Variants in SLC25A39 observed in about 807,000 individuals in gnomAD.
SLC25A39 encodes solute carrier family 25 member 39.
A neutral mutation model predicts 46.6 loss-of-function variants in SLC25A39; 44 were observed. The ratio of observed to expected loss-of-function variants is 0.94; its 90% confidence interval spans 0.74 to 1.21. SLC25A39 has a LOEUF of 1.21. SLC25A39 is among the 50% of genes most tolerant of loss of function. SLC25A39 has a pLI of 0.00. For synonymous variants in SLC25A39, 218 were observed against 190.6 expected (o/e 1.14, Z -1.19); for missense variants, 487 against 473.0 (o/e 1.03, Z -0.28).
intron 2 of SLC25A39, 36 bp downstream of exon 2, chr17:44,323,442 C>CCG: frequency 2.6e-6 from 2 of 765,646 alleles, no homozygotes; most frequent in Non-Finnish European, 4.1e-6. Flanking sequence ...CTGCCCCATC[C>CCG]CCACCCGCCC....
chr17:44,320,345 G>A lies in SLC25A39; in HGVS notation c.883+10C>T. On this transcript the variant is annotated intron_variant, in intron 10 of 11. Coordinates refer to ENST00000377095, the MANE Select transcript of SLC25A39 (RefSeq NM_001143780.3). ...CACCTGTCCCCTGCCACGGCAATCTGGGCCCTCACCTCTCACAGCCTCCAT... is the reference window on the plus strand; with the variant it reads ...CACCTGTCCCCTGCCACGGCAATCTAGGCCCTCACCTCTCACAGCCTCCAT... 6.2e-7 allele frequency: 1 copy of A among 1,613,536 alleles called. No homozygotes were observed. The highest frequency in any genetic ancestry group is 8.5e-7 in the Non-Finnish European group (1 of 1,180,016).
chr17:44,320,966 G>A, intron 8 of SLC25A39, 92 bp downstream of exon 8: 3 of 1,400,756 alleles, frequency 2.1e-6, no homozygotes, highest in Non-Finnish European at 2.9e-6. Context: ...GTAACTTCAT[G>A]GTCACTAGTC....
chr17:44,320,143 G>A (rs767356424), intron 11 of SLC25A39, 27 bp from the exon 12 acceptor site: 2 of 1,613,818 alleles, frequency 1.2e-6, no homozygotes, highest in East Asian at 2.2e-5. Context: ...GCCCGTGTCA[G>A]GGGTCAGGTC....
rs79622469 is a variant in SLC25A39 at position 44,321,288 on chromosome 17, C to T, written c.518-57G>A. ...AAGTGAGATCACAGGTCTTACATGG[C>T]ATCACCTACCTGCTGTCCCAGGTCT... On this transcript the variant is annotated intron_variant, in intron 7 of 11. Coordinates refer to ENST00000377095, the MANE Select transcript of SLC25A39 (RefSeq NM_001143780.3). 3.9e-3 allele frequency: 6,192 copies of T among 1,579,876 alleles called. 195 individuals carry two copies. In the African/African-American group the frequency reaches 0.07, roughly 18 times the overall value.
In SLC25A39 at chr17:44,321,660, G is replaced by T. The variant is rs201634942; in HGVS notation, c.392+40C>A. On this transcript the variant is annotated intron_variant, in intron 6 of 11. Transcript: ENST00000377095. ...CATTCAACAGGGAGCAAAGGGTCAGGAAGTACCAGAGGAGAGTGGTGCAGG... is the reference window on the plus strand; with the variant it reads ...CATTCAACAGGGAGCAAAGGGTCAGTAAGTACCAGAGGAGAGTGGTGCAGG... The T allele has an allele frequency of 3.1e-6, 5 of 1,607,952 alleles. No homozygotes were observed. The East Asian group carries it at 1.1e-4, about 36-fold the overall frequency.
intron 1 of SLC25A39, 34 bp from the exon 2 acceptor site, chr17:44,323,611 A>C: frequency 6.9e-7 from 1 of 1,454,662 alleles, no homozygotes; most frequent in African/African-American, 1.4e-5. Context: ...CCACAACTCC[A>C]GGGATGGCAG....
At chr17:44,322,784 C>T (rs746892088) in intron 4 of SLC25A39, 24 bp downstream of exon 4, 4 of 1,613,952 alleles carry the variant, frequency 2.5e-6, no homozygotes, top group Non-Finnish European at 3.4e-6. Context: ...CCCTCCCATG[C>T]TCCCTGTGGC....
At position 44,321,714 on chromosome 17, in the gene SLC25A39, G is replaced by A. The variant is rs1276852149; in HGVS notation, c.378C>T (p.Gly126=). Residue 126 remains glycine (G), a synonymous_variant, in exon 6 of 12, where the codon GGC becomes GGT. Transcript: ENST00000377095. Reference sequence around the variant, plus strand: ...CGGCTACTCACAGGGTGGCGGGGAGGCCGCTCCAGAGGGTCCTGGTGCCCT... The same window carrying A: ...CGGCTACTCACAGGGTGGCGGGGAGACCGCTCCAGAGGGTCCTGGTGCCCT... ...RHEGTRTLWS[G]LPATLVMTVP... 4 of 1,612,090 alleles carry A rather than the reference G, an allele frequency of 2.5e-6. No homozygotes were observed. The highest frequency in any genetic ancestry group is 3.4e-6 in the Non-Finnish European group (4 of 1,178,866).
chr17:44,319,984 T>C lies in SLC25A39; in HGVS notation c.*17A>G, dbSNP rs767063755. ...CCCATCCGTGGGAGAGACGGGGTCC[T>C]TGCCTCCTTGCCCCTTTCAGCCGCC... On this transcript the variant is annotated 3_prime_UTR_variant, in exon 12 of 12. Transcript: ENST00000377095. 2 of 1,612,874 alleles carry C rather than the reference T, an allele frequency of 1.2e-6. No homozygotes were observed. The highest frequency in any genetic ancestry group is 2.2e-5 in the South Asian group (2 of 91,034).
chr17:44,323,245 C>G lies in SLC25A39; in HGVS notation c.145+39G>C, dbSNP rs910445449. 1.4e-5 allele frequency: 22 copies of G among 1,611,956 alleles called. No individual in the cohort carries two copies. The East Asian group carries it at 4.9e-4, about 36-fold the overall frequency. The stretch of plus-strand genomic sequence containing the variant: ...GCCTCTGGGAGATCTTTCTTTTGCC[C>G]AGGCACCACCCCTCACTAGTTCCAG... On this transcript the variant is annotated intron_variant, in intron 3 of 11. Coordinates refer to ENST00000377095, the MANE Select transcript of SLC25A39 (RefSeq NM_001143780.3).
intron 5 of SLC25A39, 51 bp downstream of exon 5, chr17:44,322,368 C>A: frequency 1.2e-6 from 2 of 1,608,310 alleles, no homozygotes; most frequent in African/African-American, 1.3e-5. Flanking sequence ...CCAGCCAGAC[C>A]GAACTCCTCA....
Position 44,323,919 on chromosome 17 carries a change from C to G in SLC25A39, c.-15-342G>C, listed in dbSNP as rs370761808. 11 of 283,822 alleles carry G rather than the reference C, an allele frequency of 3.9e-5. No individual in the cohort carries two copies. In the East Asian group the frequency reaches 1.1e-3, roughly 27 times the overall value. 17.6% of individuals were successfully genotyped at this position (283,822 alleles called of 1,614,324 possible). On this transcript the variant is annotated intron_variant, in intron 1 of 11. Coordinates refer to ENST00000377095, the MANE Select transcript of SLC25A39 (RefSeq NM_001143780.3). ...CCTCCCAAAGCACTGGGATTACAGG[C>G]GTGAGCCACCGCACCCGGCCCACTG...
chr17:44,322,267 A>G (rs1336843440), intron 5 of SLC25A39, 152 bp downstream of exon 5: 3 of 757,770 alleles, frequency 4.0e-6, no homozygotes, highest in Non-Finnish European at 6.5e-6. Context: ...CAAACACCCC[A>G]TGGAGGTACT....
chr17:44,322,276 C>T (rs2143150358), intron 5 of SLC25A39, 143 bp downstream of exon 5: 3 of 820,532 alleles, frequency 3.7e-6, no homozygotes, highest in Admixed American at 2.4e-5. Flanking sequence ...CATGGAGGTA[C>T]TGCCTTCTCC....
intron 9 of SLC25A39, 24 bp from the exon 10 acceptor site, chr17:44,320,460 G>A: frequency 6.2e-7 from 1 of 1,612,496 alleles, no homozygotes; most frequent in Non-Finnish European, 8.5e-7. Flanking sequence ...CGGGGAGAGG[G>A]CTCAGCTCCA....
At position 44,323,484 on chromosome 17, in the gene SLC25A39, G is replaced by C; in HGVS notation, c.79C>G (p.Leu27Val). Residue 27 changes from leucine (L) to valine (V), a missense_variant, in exon 2 of 12, where the codon CTC becomes GTC. By Grantham distance (32) the Leu-to-Val change is conservative. Transcript: ENST00000377095. ...ASGTGAVVTS[L>V]FMTPLDVVKV... ...CACCTCCCCTAGGTCTTACTGAAGA[G>C]AGAGGTAACCACAGCCCCGGTGCCT... is the stretch of plus-strand genomic sequence containing the variant. The C allele has an allele frequency of 2.0e-6, 3 of 1,464,644 alleles. No individual in the cohort carries two copies. Among genetic ancestry groups the C allele is most frequent in the Non-Finnish European group, 2.7e-6 (3 of 1,094,744 alleles). 90.7% of individuals were successfully genotyped at this position (1,464,644 alleles called of 1,614,324 possible).
chr17:44,321,241 G>C lies in SLC25A39; in HGVS notation c.518-10C>G. 6.3e-7 allele frequency: 1 copy of C among 1,598,500 alleles called. No homozygotes were observed. ...ACAGTCACGGTGCCCACTGTGTGGGGATTGGGGGTGACAATGGGGAGAAGT... is the reference window on the plus strand; with the variant it reads ...ACAGTCACGGTGCCCACTGTGTGGGCATTGGGGGTGACAATGGGGAGAAGT... On this transcript the variant is annotated splice_polypyrimidine_tract_variant and intron_variant, in intron 7 of 11. Transcript: ENST00000377095.
chr17:44,323,255 C>T (rs532280001), intron 3 of SLC25A39, 29 bp downstream of exon 3: 1 of 1,613,294 alleles, frequency 6.2e-7, no homozygotes, highest in African/African-American at 1.3e-5. Flanking sequence ...CAGGCACCAC[C>T]CCTCACTAGT....
At chr17:44,321,330 C>T (rs550814123) in intron 7 of SLC25A39, 99 bp from the exon 8 acceptor site, 5 of 1,591,022 alleles carry the variant, frequency 3.1e-6, no homozygotes, top group African/African-American at 1.3e-5. Flanking sequence ...CTAGAACACC[C>T]CCCTATCCCT....
Sources: allele counts gnomAD v4.1 joint callset, GRCh38; gene constraint gnomAD v4.1.1; transcripts MANE v1.5; gene names NCBI Gene and HGNC (gene_info 2026-07-23, HGNC 2026-07-21).